The following NAB1 variants were observed in gnomAD, a reference collection of about 807,000 sequenced individuals.
The protein encoded by NAB1 is NGFI-A binding protein 1.
Under a neutral mutation model 49.9 loss-of-function variants are expected in NAB1, and 25 were observed. The observed-to-expected ratio is 0.50, with a 90% confidence interval of 0.37 to 0.70. The LOEUF (loss-of-function observed/expected upper bound fraction) is 0.70. NAB1 is among the 30% of genes least tolerant of loss of function. The pLI is 0.00. For missense variants in NAB1, 489 were observed against 575.9 expected, an observed-to-expected ratio of 0.85 and a Z score of 1.54; for synonymous variants, 198 against 215.6, an observed-to-expected ratio of 0.92 and a Z score of 0.71.
At position 190,667,540 on chromosome 2, in the gene NAB1, A is replaced by G. The variant is rs931511561; in HGVS notation, c.820-2786A>G. Among the ~76,000 whole-genome samples, 3 of 152,192 alleles carry G rather than the reference A, an allele frequency of 2.0e-5. No homozygotes were observed. Among genetic ancestry groups the G allele is most frequent in the African/African-American group, 7.2e-5 (3 of 41,456 alleles). Reference sequence around the variant, plus strand: ...AGGCACTTAGGGGAGGAATTTATCTATTGATGACTCTTTAGGAGGAGTGGA... The same window carrying G: ...AGGCACTTAGGGGAGGAATTTATCTGTTGATGACTCTTTAGGAGGAGTGGA... On this transcript the variant is annotated intron_variant, in intron 4 of 9. Transcript: ENST00000337386. The surrounding 1 kb of genome is among the most constrained non-coding windows in gnomAD (Gnocchi z 4.4).
intron 4 of NAB1, among the ~76,000 whole-genome samples, chr2:190,665,518 T>C (rs561776287): frequency 6.6e-6 from 1 of 152,360 alleles, no homozygotes; most frequent in East Asian, 1.9e-4. Context: ...CTGTTGTTTC[T>C]ACTAGTGTTC....
At chr2:190,656,481 G>A (rs923194498) in intron 3 of NAB1, among the ~76,000 whole-genome samples, 34 of 152,282 alleles carry the variant, frequency 2.2e-4, no homozygotes, top group Middle Eastern at 3.4e-3. Context: ...GTAAGTGTGG[G>A]CCTCTAGAAA....
rs1043913320 is a variant in NAB1, at chr2:190,669,720, C to A, written c.820-606C>A. Among the ~76,000 whole-genome samples the A allele has an allele frequency of 2.0e-5, 3 of 152,182 alleles. No individual in the cohort carries two copies. The highest frequency in any genetic ancestry group is 2.0e-4 in the Admixed American group (3 of 15,276). ...TAGTACAAAGTGTTTGGTCAACTAG[C>A]AACTCTATATTGGCAATATTTAATA... On this transcript the variant is annotated intron_variant, in intron 4 of 9. Transcript: ENST00000337386. This position sits in a 1 kb window ranked among gnomAD's most constrained non-coding sequence, Gnocchi z 4.3.
chr2:190,665,865 T>C (rs1694489560), intron 4 of NAB1, among the ~76,000 whole-genome samples: 1 of 152,140 alleles, frequency 6.6e-6, no homozygotes, highest in South Asian at 2.1e-4. Context: ...CAGCCTTACA[T>C]TGGGTGTGTG....
rs547842380 is a variant in NAB1 at position 190,662,382 on chromosome 2, C to A, written c.819+2387C>A. ...AATTATGGAATGACTTATTGTTAAG[C>A]CCCTCTTTTTTTTTTTTTTAAGCTA... On this transcript the variant is annotated intron_variant, in intron 4 of 9. Coordinates refer to ENST00000337386, the MANE Select transcript of NAB1 (RefSeq NM_005966.4). Among the ~76,000 whole-genome samples, 220 of 134,750 alleles carry A rather than the reference C, an allele frequency of 1.6e-3. 1 individual carries two copies. The highest frequency in any genetic ancestry group is 5.8e-3 in the African/African-American group (208 of 35,890). The allele number at this position is 134,750 out of a possible 152,430, so 88.4% of individuals were successfully genotyped here.
At chr2:190,655,124 T>C (rs1693852213) in intron 2 of NAB1, among the ~76,000 whole-genome samples, 1 of 152,258 alleles carries the variant, frequency 6.6e-6, no homozygotes, top group Non-Finnish European at 1.5e-5. Context: ...TTATGACTAC[T>C]TTTAGTATTT....
intron 9 of NAB1, among the ~76,000 whole-genome samples, chr2:190,687,716 T>A (rs1221627400): frequency 6.6e-6 from 1 of 152,208 alleles, no homozygotes; most frequent in Non-Finnish European, 1.5e-5. Flanking sequence ...CACTAGTCTT[T>A]TTGCAAACTT....
At chr2:190,665,878 G>A (rs1694490212) in intron 4 of NAB1, among the ~76,000 whole-genome samples, 1 of 152,108 alleles carries the variant, frequency 6.6e-6, no homozygotes, top group Non-Finnish European at 1.5e-5. Flanking sequence ...GGTGTGTGTG[G>A]TGAGGTTTCA....
At position 190,685,599 on chromosome 2, in the gene NAB1, A is replaced by G; in HGVS notation, c.1219A>G (p.Ser407Gly). 1 of 1,613,182 alleles carries G rather than the reference A, an allele frequency of 6.2e-7. No individual in the cohort carries two copies. The highest frequency in any genetic ancestry group is 8.5e-7 in the Non-Finnish European group (1 of 1,179,714). ...TTACAGGCAGAGCTCAGAAGAGCACAGTCCTAACGGCTTGACTTCCGATAA... is the reference window on the plus strand; with the variant it reads ...TTACAGGCAGAGCTCAGAAGAGCACGGTCCTAACGGCTTGACTTCCGATAA... The part of the protein sequence containing the change: ...GLYRQSSEEH[S>G]PNGLTSDNSD... Residue 407 changes from serine (S) to glycine (G), a missense_variant, in exon 8 of 10, where the codon AGT becomes GGT. Physicochemically the swap from Ser to Gly is moderately conservative, Grantham distance 56. Coordinates refer to ENST00000337386, the MANE Select transcript of NAB1 (RefSeq NM_005966.4). The surrounding 1 kb of genome is among the most constrained non-coding windows in gnomAD (Gnocchi z 4.5).
rs754472774 is a variant in NAB1, at chr2:190,676,575, C to G, written c.1005+3423C>G. 9.9e-5 allele frequency among the ~76,000 whole-genome samples: 15 copies of G among 152,042 alleles called. No individual in the cohort carries two copies. Among genetic ancestry groups the G allele is most frequent in the Non-Finnish European group, 2.2e-4 (15 of 68,006 alleles). On this transcript the variant is annotated intron_variant, in intron 6 of 9. Coordinates refer to ENST00000337386, the MANE Select transcript of NAB1 (RefSeq NM_005966.4). This position sits in a 1 kb window ranked among gnomAD's most constrained non-coding sequence, Gnocchi z 4.6. ...AAAACCCCATCCTTACAAAAATTAGCCAGGCATGATGGCATGTGCCTGTAG... is the reference window on the plus strand; with the variant it reads ...AAAACCCCATCCTTACAAAAATTAGGCAGGCATGATGGCATGTGCCTGTAG...
rs1222388981 is a variant in NAB1, at chr2:190,683,739, A to G, written c.1007A>G (p.Asp336Gly). 1 of 1,610,476 alleles carries G rather than the reference A, an allele frequency of 6.2e-7. No individual in the cohort carries two copies. The highest frequency in any genetic ancestry group is 1.1e-5 in the South Asian group (1 of 90,372). The change falls in exon 7 of 10, where the codon GAT becomes GGT. Residue 336 changes from aspartate (D) to glycine (G), a missense_variant and splice_region_variant. Physicochemically the swap from Asp to Gly is moderately conservative, Grantham distance 94. Around this residue, in one of 4 missense-constraint regions of NAB1, gnomAD observed 212 missense variants for 199.3 expected, o/e 1.06. Coordinates refer to ENST00000337386, the MANE Select transcript of NAB1 (RefSeq NM_005966.4). ...ELSPKRIKVE[D>G]GFPDFQDSVQ... Reference sequence around the variant, plus strand: ...AAGGACTTCTTATTTGACCCACAGGATGGGTTTCCAGATTTCCAGGATTCT... The same window carrying G: ...AAGGACTTCTTATTTGACCCACAGGGTGGGTTTCCAGATTTCCAGGATTCT...
At chr2:190,665,012 G>A (rs1694440644) in intron 4 of NAB1, among the ~76,000 whole-genome samples, 1 of 151,892 alleles carries the variant, frequency 6.6e-6, no homozygotes, top group Admixed American at 6.6e-5. Context: ...AGCTCTTTTA[G>A]GATTTTCTTA....
chr2:190,671,030 T>C (rs1392577904), intron 5 of NAB1, among the ~76,000 whole-genome samples: 2 of 152,216 alleles, frequency 1.3e-5, no homozygotes, highest in Non-Finnish European at 2.9e-5. Context: ...ATATTTTTCT[T>C]CACCCTATCC....
chr2:190,688,541 T>C (rs776079955), intron 9 of NAB1, among the ~76,000 whole-genome samples: 4 of 152,204 alleles, frequency 2.6e-5, no homozygotes, highest in Non-Finnish European at 5.9e-5. Flanking sequence ...AAAAGTGATC[T>C]TTAAAGTTTT....
At position 190,659,023 on chromosome 2, in the gene NAB1, G is replaced by A; in HGVS notation, c.-19-135G>A. 1.6e-6 allele frequency: 1 copy of A among 616,042 alleles called. No homozygotes were observed. The highest frequency in any genetic ancestry group is 2.8e-6 in the Non-Finnish European group (1 of 356,102). The allele number at this position is 616,042 out of a possible 1,614,324, so 38.2% of individuals were successfully genotyped here. On this transcript the variant is annotated intron_variant, in intron 3 of 9. Coordinates refer to ENST00000337386, the MANE Select transcript of NAB1 (RefSeq NM_005966.4). This position sits in a 1 kb window ranked among gnomAD's most constrained non-coding sequence, Gnocchi z 6.2. ...CAGAATGAGATAAAGTATGTAGAGA[G>A]AATGCTGCCTTCACAGGCAGTCACG...
At position 190,674,287 on chromosome 2, in the gene NAB1, C is replaced by G. The variant is rs1436070239; in HGVS notation, c.1005+1135C>G. Among the ~76,000 whole-genome samples, 1 of 152,168 alleles carries G rather than the reference C, an allele frequency of 6.6e-6. No individual in the cohort carries two copies. Among genetic ancestry groups the G allele is most frequent in the East Asian group, 1.9e-4 (1 of 5,192 alleles). On this transcript the variant is annotated intron_variant, in intron 6 of 9. Coordinates refer to ENST00000337386, the MANE Select transcript of NAB1 (RefSeq NM_005966.4). The surrounding 1 kb of genome is among the most constrained non-coding windows in gnomAD (Gnocchi z 5.7). ...CCATTCTTACTGTGTTCCAGCCGCA[C>G]TGACTGACTTTCTGTTCCTGAACAT...
intron 6 of NAB1, among the ~76,000 whole-genome samples, chr2:190,681,923 C>G (rs1695368549): frequency 6.6e-6 from 1 of 152,136 alleles, no homozygotes; most frequent in Admixed American, 6.5e-5. Context: ...GATTTGCCCT[C>G]TGCTGCAAAT....
At chr2:190,672,814 A>AG (rs1694882360) in intron 5 of NAB1, among the ~76,000 whole-genome samples, 1 of 151,128 alleles carries the variant, frequency 6.6e-6, no homozygotes, top group Non-Finnish European at 1.5e-5. Flanking sequence ...CCCATCTTTA[A>AG]AAAAAAAAAT....
chr2:190,690,009 C>T (rs200326648), intron 9 of NAB1, among the ~76,000 whole-genome samples: 14 of 974 alleles, frequency 0.014, no homozygotes, highest in Non-Finnish European at 0.04. Flanking sequence ...GAGATGTATA[C>T]ATCTATACAT....
Sources: gnomAD v4.1 joint callset for allele counts (sites outside exome capture counted in the v4.1 genomes callset) on GRCh38, gnomAD v4.1.1 for gene constraint, gnomAD v4.1.1 regional missense constraint, Gnocchi (gnomAD v3.1) non-coding constraint, MANE v1.5 for transcripts, NCBI Gene and HGNC (gene_info 2026-07-23, HGNC 2026-07-21) for gene names.